Variants in DCHS2 observed in about 807,000 individuals in gnomAD.
DCHS2 encodes protocadherin-23.
In DCHS2, 142 loss-of-function variants were observed where a neutral mutation model predicts 182.4. The observed-to-expected ratio is 0.78, with a 90% CI of 0.68 to 0.89. The LOEUF (loss-of-function observed/expected upper bound fraction) is 0.89, where lower values mean the gene tolerates loss of function less well. Ranked by LOEUF, DCHS2 falls within the 40% of genes least tolerant of loss-of-function variation. The pLI is 0.00. For synonymous variants in DCHS2, 1,740 were observed against 1,663.3 expected (o/e 1.05, Z -1.12); for missense variants, 4,319 against 4,198.6 (o/e 1.03, Z -0.79).
intron 1 of DCHS2, among the ~76,000 whole-genome samples, chr4:154,475,816 T>C (rs939457918): frequency 3.3e-5 from 5 of 152,200 alleles, no homozygotes; most frequent in African/African-American, 1.2e-4. Flanking sequence ...TTATCTTCAA[T>C]TCTCAAAATA....
intron 10 of DCHS2, among the ~76,000 whole-genome samples, chr4:154,309,061 A>G (rs1735571884): frequency 6.6e-6 from 1 of 152,148 alleles, no homozygotes; most frequent in Non-Finnish European, 1.5e-5. Flanking sequence ...CTTTTCATGG[A>G]CTTGCTCCCT....
In DCHS2 at chr4:154,236,442, G is replaced by T; in HGVS notation, c.8210C>A (p.Thr2737Asn). ...TGCATCTGAAGCTTGGACAGTTAAG[G>T]TGAATTTTGTCATTTTTTCATAATC... ...PLDYEKMTKF[T>N]LTVQASDAEK... is the part of the protein sequence containing the mutation. Residue 2737 changes from threonine (T) to asparagine (N), a missense_variant, in exon 20 of 20, where the codon ACC becomes AAC. Physicochemically the swap from Thr to Asn is moderately conservative, Grantham distance 65. Transcript: ENST00000357232. 2.5e-6 allele frequency: 4 copies of T among 1,614,000 alleles called. No individual in the cohort carries two copies. Among genetic ancestry groups the T allele is most frequent in the Non-Finnish European group, 3.4e-6 (4 of 1,179,956 alleles).
intron 3 of DCHS2, among the ~76,000 whole-genome samples, chr4:154,335,818 C>T (rs1578979913): frequency 6.6e-6 from 1 of 152,182 alleles, no homozygotes; most frequent in East Asian, 1.9e-4. Flanking sequence ...AGAGTTAAAA[C>T]ATTAGACATT....
At chr4:154,417,198 T>C (rs373948552) in intron 1 of DCHS2, among the ~76,000 whole-genome samples, 1 of 65,288 alleles carries the variant, frequency 1.5e-5, no homozygotes, top group Non-Finnish European at 3.0e-5. Flanking sequence ...TGTGTGTGTG[T>C]GTGTGTGAGA....
chr4:154,406,401 C>T (rs963993949), intron 1 of DCHS2, among the ~76,000 whole-genome samples: 1 of 152,200 alleles, frequency 6.6e-6, no homozygotes, highest in African/African-American at 2.4e-5. Flanking sequence ...GGTATCATTC[C>T]TGTTCTCTTC....
At chr4:154,387,194 C>T (rs1731459471) in intron 1 of DCHS2, among the ~76,000 whole-genome samples, 1 of 152,114 alleles carries the variant, frequency 6.6e-6, no homozygotes, top group Non-Finnish European at 1.5e-5. Context: ...TAAGCAACCA[C>T]GAATTCTACT....
intron 3 of DCHS2, among the ~76,000 whole-genome samples, chr4:154,341,425 GCACCTAAC>G (rs1057480879): frequency 1.3e-5 from 2 of 150,076 alleles, no homozygotes; most frequent in African/African-American, 4.9e-5. Flanking sequence ...CGCTCTATAA[GCACCTAAC>G]CATACAAGGT....
chr4:154,442,112 G>C (rs1384310035), intron 1 of DCHS2, among the ~76,000 whole-genome samples: 1 of 152,150 alleles, frequency 6.6e-6, no homozygotes, highest in Admixed American at 6.5e-5. Flanking sequence ...TGTTACCGCT[G>C]GTGACAAAAT....
intron 1 of DCHS2, among the ~76,000 whole-genome samples, chr4:154,420,952 G>T (rs1733085816): frequency 6.6e-6 from 1 of 152,044 alleles, no homozygotes; most frequent in Admixed American, 6.6e-5. Flanking sequence ...AATTACTAGT[G>T]CCTACTTGTA....
chr4:154,373,509 T>C (rs1179779382), intron 2 of DCHS2, among the ~76,000 whole-genome samples: 1 of 152,212 alleles, frequency 6.6e-6, no homozygotes, highest in African/African-American at 2.4e-5. Context: ...GCTCTCCATA[T>C]ATTCTGAGGC....
At chr4:154,310,086 T>C (rs1229907209) in intron 10 of DCHS2, among the ~76,000 whole-genome samples, 1 of 152,206 alleles carries the variant, frequency 6.6e-6, no homozygotes, top group Non-Finnish European at 1.5e-5. Flanking sequence ...TGACTATTCA[T>C]GTAAATACCC....
At chr4:154,260,656 C>T (rs1464750698) in intron 14 of DCHS2, among the ~76,000 whole-genome samples, 1 of 152,206 alleles carries the variant, frequency 6.6e-6, no homozygotes, top group Non-Finnish European at 1.5e-5. Context: ...GATCACCATC[C>T]CTGTACCATC....
intron 1 of DCHS2, among the ~76,000 whole-genome samples, chr4:154,466,598 A>T (rs527237208): frequency 6.6e-5 from 10 of 152,190 alleles, no homozygotes; most frequent in Non-Finnish European, 1.2e-4. Context: ...ACCCAGCAAG[A>T]CATGTAAGAC....
At chr4:154,385,366 T>C (rs1370145522) in intron 1 of DCHS2, among the ~76,000 whole-genome samples, 1 of 152,286 alleles carries the variant, frequency 6.6e-6, no homozygotes, top group African/African-American at 2.4e-5. Context: ...CTATTGTGAA[T>C]AGTGCCCCCA....
At chr4:154,239,589 TC>T (rs1731703241) in intron 18 of DCHS2, among the ~76,000 whole-genome samples, 1 of 152,052 alleles carries the variant, frequency 6.6e-6, no homozygotes, top group Non-Finnish European at 1.5e-5. Context: ...GCTCACTGCA[TC>T]CTCTGCCTCC....
rs557904495 is a variant in DCHS2, at chr4:154,481,068, TG to T, written c.2052+8235del. 1.1e-4 allele frequency among the ~76,000 whole-genome samples: 16 copies of T among 152,210 alleles called. 1 individual carries two copies. Among genetic ancestry groups the T allele is most frequent in the Non-Finnish European group, 1.8e-4 (12 of 68,040 alleles). ...ATAGTTTTTAACTGATGTCCCTTTT[TG>T]TTGGTAAATTTTGTACAAACAGCTC... On this transcript the variant is annotated intron_variant, in intron 1 of 19. Transcript: ENST00000357232.
intron 9 of DCHS2, 88 bp from the exon 10 acceptor site, chr4:154,316,075 T>C (rs924599761): frequency 6.5e-7 from 1 of 1,533,376 alleles, no homozygotes; most frequent in Non-Finnish European, 8.7e-7. Flanking sequence ...CTTGTCTACC[T>C]AATAAAAATT....
At chr4:154,344,328 G>A (rs1319872543) in intron 3 of DCHS2, among the ~76,000 whole-genome samples, 4 of 152,178 alleles carry the variant, frequency 2.6e-5, no homozygotes, top group Non-Finnish European at 5.9e-5. Context: ...CCATGAATTT[G>A]TAAAAAGCAC....
intron 13 of DCHS2, among the ~76,000 whole-genome samples, chr4:154,276,850 A>T (rs1280236910): frequency 1.3e-5 from 2 of 152,192 alleles, no homozygotes; most frequent in Non-Finnish European, 2.9e-5. Context: ...GATTGTAGAC[A>T]TTGCATTTAA....
Sources: allele counts gnomAD v4.1 joint callset (sites outside exome capture counted in the v4.1 genomes callset), GRCh38; gene constraint gnomAD v4.1.1; transcripts MANE v1.5; gene names NCBI Gene and HGNC (gene_info 2026-07-23, HGNC 2026-07-21).